ITGBL1: variants seen among roughly 807,000 people sequenced by gnomAD.
The protein encoded by ITGBL1 is integrin beta-like protein 1.
ITGBL1 carries 51 observed loss-of-function variants against 68.5 expected under a neutral mutation model. The ratio of observed to expected loss-of-function variants is 0.74; its 90% CI spans 0.59 to 0.94. The LOEUF is 0.94. Among genes scored for constraint, ITGBL1 ranks in the 40% least tolerant of loss-of-function variants. The probability of loss-of-function intolerance (pLI) is 0.00; values close to 1 mark genes in which losing one functional copy is unlikely to be tolerated. For synonymous variants in ITGBL1, 209 were observed against 227.3 expected (o/e 0.92, Z 0.72); for missense variants, 649 against 647.4 (o/e 1.00, Z -0.03).
At chr13:101,626,528 T>C (rs1594939154) in intron 7 of ITGBL1, among the ~76,000 whole-genome samples, 2 of 152,272 alleles carry the variant, frequency 1.3e-5, no homozygotes, top group East Asian at 3.9e-4. Context: ...AAAAGTACCA[T>C]CTACTCCAGG....
chr13:101,506,070 C>T (rs1177002259), intron 2 of ITGBL1, among the ~76,000 whole-genome samples: 1 of 152,130 alleles, frequency 6.6e-6, no homozygotes, highest in East Asian at 1.9e-4. Context: ...GGCTTTCCTA[C>T]CAAGTGAATA....
intron 6 of ITGBL1, among the ~76,000 whole-genome samples, 186 bp downstream of exon 6, chr13:101,583,542 G>A (rs955609000): frequency 6.6e-6 from 1 of 151,932 alleles, no homozygotes; most frequent in East Asian, 1.9e-4. Flanking sequence ...TGGATTGTTT[G>A]TAACACAAAG....
At chr13:101,714,332 A>G (rs2034617852) in intron 9 of ITGBL1, 106 bp from the exon 10 acceptor site, 1 of 741,582 alleles carries the variant, frequency 1.3e-6, no homozygotes, top group Non-Finnish European at 2.4e-6. Context: ...TTACCTTTGG[A>G]TGATGGGTTA....
At chr13:101,555,112 T>C (rs938510039) in intron 2 of ITGBL1, among the ~76,000 whole-genome samples, 38 of 152,286 alleles carry the variant, frequency 2.5e-4, no homozygotes, top group African/African-American at 9.1e-4. Flanking sequence ...TATCATAAAG[T>C]ATAAAAAGTG....
At chr13:101,694,102 G>A (rs917435232) in intron 8 of ITGBL1, among the ~76,000 whole-genome samples, 2 of 152,152 alleles carry the variant, frequency 1.3e-5, no homozygotes, top group South Asian at 2.1e-4. Flanking sequence ...CAGAATTTCA[G>A]CTCTGATATT....
At chr13:101,526,307 C>T (rs574966076) in intron 2 of ITGBL1, among the ~76,000 whole-genome samples, 1 of 151,928 alleles carries the variant, frequency 6.6e-6, no homozygotes, top group Non-Finnish European at 1.5e-5. Flanking sequence ...CCTTCCCTAG[C>T]CCCCCACCCC....
At chr13:101,577,735 A>G (rs1346539004) in intron 4 of ITGBL1, among the ~76,000 whole-genome samples, 1 of 152,200 alleles carries the variant, frequency 6.6e-6, no homozygotes, top group East Asian at 1.9e-4. Flanking sequence ...AATATACACT[A>G]TTGCTTTTTT....
intron 8 of ITGBL1, 50 bp downstream of exon 8, chr13:101,692,751 C>T (rs372291301): frequency 1.7e-6 from 2 of 1,161,592 alleles, no homozygotes; most frequent in Non-Finnish European, 2.6e-6. Context: ...ACTTGCTTTA[C>T]CTGCCTTTGT....
chr13:101,491,802 G>T (rs2048782587), intron 2 of ITGBL1, among the ~76,000 whole-genome samples: 1 of 151,980 alleles, frequency 6.6e-6, no homozygotes, highest in Non-Finnish European at 1.5e-5. Context: ...CAGGGCCCCG[G>T]TGTGTGATGT....
intron 3 of ITGBL1, among the ~76,000 whole-genome samples, chr13:101,572,307 A>C (rs2050286332): frequency 6.6e-6 from 1 of 152,022 alleles, no homozygotes; most frequent in African/African-American, 2.4e-5. Context: ...TGGATTGGGG[A>C]ATGAGACTGA....
At chr13:101,556,581 G>A (rs547580892) in intron 2 of ITGBL1, among the ~76,000 whole-genome samples, 5 of 152,198 alleles carry the variant, frequency 3.3e-5, no homozygotes, top group South Asian at 2.1e-4. Context: ...GTGGTGAGCC[G>A]AGATTGTGCC....
intron 2 of ITGBL1, among the ~76,000 whole-genome samples, chr13:101,549,834 A>G (rs1307286330): frequency 6.6e-6 from 1 of 152,112 alleles, no homozygotes; most frequent in Non-Finnish European, 1.5e-5. Context: ...TAAATTTAAT[A>G]TAACTTTGAA....
intron 2 of ITGBL1, among the ~76,000 whole-genome samples, chr13:101,534,121 C>T (rs1418609219): frequency 2.0e-5 from 3 of 152,058 alleles, no homozygotes; most frequent in Non-Finnish European, 4.4e-5. Flanking sequence ...ATATAGACTA[C>T]CGTTCTTGTA....
chr13:101,589,664 G>A (rs112511194), intron 6 of ITGBL1, among the ~76,000 whole-genome samples: 56 of 152,298 alleles, frequency 3.7e-4, no homozygotes, highest in African/African-American at 1.3e-3. Context: ...TCACAGCAAT[G>A]ATACAATCTC....
intron 8 of ITGBL1, among the ~76,000 whole-genome samples, chr13:101,706,552 A>G (rs767670321): frequency 6.6e-6 from 1 of 152,236 alleles, no homozygotes; most frequent in Non-Finnish European, 1.5e-5. Context: ...GTCATCTCCT[A>G]TGCTACATTC....
intron 9 of ITGBL1, among the ~76,000 whole-genome samples, chr13:101,707,965 C>T (rs1012646007): frequency 1.6e-4 from 24 of 151,206 alleles, no homozygotes; most frequent in African/African-American, 5.6e-4. Context: ...AAAACATTTG[C>T]CATGGAAACA....
chr13:101,627,707 G>A (rs573837003), intron 7 of ITGBL1, among the ~76,000 whole-genome samples: 1 of 152,218 alleles, frequency 6.6e-6, no homozygotes, highest in East Asian at 1.9e-4. Context: ...CAGTGTGTAG[G>A]CTTTTCAGAT....
intron 7 of ITGBL1, among the ~76,000 whole-genome samples, chr13:101,636,761 T>C (rs916433664): frequency 6.6e-6 from 1 of 152,186 alleles, no homozygotes; most frequent in African/African-American, 2.4e-5. Flanking sequence ...TGATTTTCAA[T>C]ATTGAAATAC....
chr13:101,655,120 T>C (rs2032876815), intron 7 of ITGBL1, among the ~76,000 whole-genome samples: 1 of 152,130 alleles, frequency 6.6e-6, no homozygotes. Flanking sequence ...GTGAAAGTGA[T>C]GCAAGGAATG....
Sources: allele counts gnomAD v4.1 joint callset (sites outside exome capture counted in the v4.1 genomes callset), GRCh38; gene constraint gnomAD v4.1.1; transcripts MANE v1.5; gene names NCBI Gene and HGNC (gene_info 2026-07-23, HGNC 2026-07-21).